The following ANXA8 variants were observed in gnomAD, a reference collection of about 807,000 sequenced individuals.
ANXA8 encodes the protein VAC-beta.
In ANXA8, 9 loss-of-function variants were observed where a neutral mutation model predicts 26.8. The observed-to-expected ratio is 0.34, with a 90% confidence interval of 0.20 to 0.59. The LOEUF (loss-of-function observed/expected upper bound fraction) is 0.59, where lower values mean the gene tolerates loss of function less well. Ranked by LOEUF, ANXA8 falls within the 20% of genes least tolerant of loss-of-function variation. ANXA8 has a pLI of 0.84. For synonymous variants in ANXA8, 39 were observed against 94.8 expected (o/e 0.41, Z 3.42); for missense variants, 83 against 238.5 (o/e 0.35, Z 4.29).
At chr10:47,905,846 C>T in the ANXA8 span, among the ~76,000 whole-genome samples, 1 of 136,000 alleles carries the variant, frequency 7.4e-6, no homozygotes. Context: ...CTTGCAATGG[C>T]TTTTAACTAC....
chr10:47,672,068 A>G, the ANXA8 span, among the ~76,000 whole-genome samples: 4 of 151,122 alleles, frequency 2.6e-5, no homozygotes, highest in South Asian at 4.2e-4. Flanking sequence ...AGTCCTTTCT[A>G]TTATGTTTAA....
chr10:47,645,170 G>C, the ANXA8 span, among the ~76,000 whole-genome samples: 1 of 150,598 alleles, frequency 6.6e-6, no homozygotes, highest in East Asian at 1.9e-4. Context: ...AGTATTTTTA[G>C]ACAATTTTCT....
chr10:47,951,838 G>GAAAAAAAAAAAAAAAAAAA, the ANXA8 span, among the ~76,000 whole-genome samples: 1 of 132,242 alleles, frequency 7.6e-6, no homozygotes, highest in Non-Finnish European at 1.6e-5. Context: ...AAAAAAAAAG[G>GAAAAAAAAAAAAAAAAAAA]AATATACATG....
At chr10:47,566,228 TAAACCG>T in the ANXA8 span, among the ~76,000 whole-genome samples, 1 of 151,894 alleles carries the variant, frequency 6.6e-6, no homozygotes, top group Non-Finnish European at 1.5e-5. Flanking sequence ...GTCTGGTATT[TAAACCG>T]AAACACACGT....
At chr10:47,587,152 C>A in the ANXA8 span, among the ~76,000 whole-genome samples, 1 of 145,348 alleles carries the variant, frequency 6.9e-6, no homozygotes, top group Non-Finnish European at 1.5e-5. Flanking sequence ...TGCAGTGAAC[C>A]AAGATCATGC....
At chr10:47,573,304 A>G in the ANXA8 span, among the ~76,000 whole-genome samples, 4 of 150,066 alleles carry the variant, frequency 2.7e-5, no homozygotes, top group East Asian at 4.0e-4. Context: ...TTTAAAATAT[A>G]TTGTTTAATC....
the ANXA8 span, among the ~76,000 whole-genome samples, chr10:47,669,056 C>T: frequency 6.6e-6 from 1 of 151,730 alleles, no homozygotes; most frequent in South Asian, 2.1e-4. Flanking sequence ...CTTAAGGCCT[C>T]TGTTTTCATT....
the ANXA8 span, among the ~76,000 whole-genome samples, chr10:47,716,286 A>G: frequency 1.8e-5 from 2 of 112,052 alleles, no homozygotes; most frequent in South Asian, 5.5e-4. Context: ...AAAGTGAAAT[A>G]TAAATCTTTG....
At chr10:47,768,103 G>T in the ANXA8 span, among the ~76,000 whole-genome samples, 3 of 150,768 alleles carry the variant, frequency 2.0e-5, no homozygotes, top group Non-Finnish European at 4.4e-5. Context: ...GGCAAGGCTT[G>T]TCCTTCCTCA....
the ANXA8 span, among the ~76,000 whole-genome samples, chr10:47,885,636 CTG>C: frequency 5.6e-3 from 13 of 2,308 alleles, no homozygotes; most frequent in Admixed American, 0.044. Flanking sequence ...CAAAATCAAG[CTG>C]TGTCAGGAAT....
chr10:47,607,254 T>G, the ANXA8 span, among the ~76,000 whole-genome samples: 1 of 140,478 alleles, frequency 7.1e-6, no homozygotes, highest in Admixed American at 7.1e-5. Flanking sequence ...TACATATGTG[T>G]ATAAATAAAA....
the ANXA8 span, chr10:47,549,256 C>A: frequency 3.3e-6 from 5 of 1,502,704 alleles, no homozygotes; most frequent in Non-Finnish European, 4.6e-6. Flanking sequence ...TAACCTACCA[C>A]AATGCTGTAA....
chr10:47,670,935 G>T, the ANXA8 span, among the ~76,000 whole-genome samples: 2 of 150,312 alleles, frequency 1.3e-5, no homozygotes, highest in South Asian at 4.2e-4. Context: ...TATTTTAGGT[G>T]CTCTCCTCTC....
At chr10:47,733,193 CTT>C in the ANXA8 span, among the ~76,000 whole-genome samples, 56 of 117,122 alleles carry the variant, frequency 4.8e-4, 1 homozygote, top group African/African-American at 1.5e-3. Context: ...TTCTTTCTTT[CTT>C]TCTTTCTTTC....
the ANXA8 span, among the ~76,000 whole-genome samples, chr10:47,627,952 T>G: frequency 6.7e-6 from 1 of 149,830 alleles, no homozygotes; most frequent in African/African-American, 2.5e-5. Flanking sequence ...GGTAAATATA[T>G]TTCTGCTCTT....
chr10:47,982,006 A>G, the ANXA8 span, among the ~76,000 whole-genome samples: 1 of 150,212 alleles, frequency 6.7e-6, no homozygotes, highest in Admixed American at 6.6e-5. Flanking sequence ...AACTTAATAC[A>G]GGTTGGGTGC....
At chr10:47,522,319 A>G in the ANXA8 span, among the ~76,000 whole-genome samples, 1 of 147,294 alleles carries the variant, frequency 6.8e-6, no homozygotes, top group Non-Finnish European at 1.5e-5. Flanking sequence ...CTGTTAAGTC[A>G]CCAGAATAAA....
At chr10:47,513,639 C>A in the ANXA8 span, among the ~76,000 whole-genome samples, 2 of 140,236 alleles carry the variant, frequency 1.4e-5, 1 homozygote, top group African/African-American at 5.2e-5. Flanking sequence ...TCAAACTATA[C>A]TATAAGGCCA....
At chr10:47,589,004 G>A in the ANXA8 span, 1 of 144,758 alleles carries the variant, frequency 6.9e-6, no homozygotes, top group Non-Finnish European at 1.5e-5. Flanking sequence ...TGTAGAGACG[G>A]GGTTTTGTCA....
Sources: allele counts gnomAD v4.1 joint callset (sites outside exome capture counted in the v4.1 genomes callset), GRCh38; gene constraint gnomAD v4.1.1; transcripts MANE v1.5; gene names NCBI Gene and HGNC (gene_info 2026-07-23, HGNC 2026-07-21).